The following PBX1 variants were observed in gnomAD, a reference collection of about 807,000 sequenced individuals.
The protein encoded by PBX1 is PBX homeobox 1.
Under a neutral mutation model 53.4 loss-of-function variants are expected in PBX1, and 6 were observed. The ratio of observed to expected loss-of-function variants is 0.11; its 90% CI spans 0.06 to 0.22. The LOEUF (loss-of-function observed/expected upper bound fraction) is 0.22, where lower values mean the gene tolerates loss of function less well. PBX1 is among the 10% of genes least tolerant of loss of function. The pLI, the probability that PBX1 is intolerant of heterozygous loss-of-function variation, is 1.00. For synonymous variants in PBX1, 204 were observed against 212.3 expected (o/e 0.96, Z 0.34); for missense variants, 251 against 551.4 (o/e 0.46, Z 5.46).
intron 6 of PBX1, chr1:164,818,010 G>C (rs553784504): frequency 3.3e-5 from 5 of 152,170 alleles, no homozygotes; most frequent in Non-Finnish European, 7.3e-5. Flanking sequence ...GGGGAGTTGG[G>C]TGGGGGAGTC....
intron 2 of PBX1, among the ~76,000 whole-genome samples, chr1:164,681,929 C>T (rs998272022): frequency 7.9e-5 from 12 of 152,054 alleles, no homozygotes; most frequent in Non-Finnish European, 8.8e-5. Flanking sequence ...AATATTTACC[C>T]GGAAATGAAG....
chr1:164,771,445 GT>G (rs1667366634), intron 2 of PBX1: 1 of 151,986 alleles, frequency 6.6e-6, no homozygotes, highest in South Asian at 2.1e-4. Context: ...TGCTGAGGGG[GT>G]TCCCTTGCCG....
chr1:164,683,209 T>C (rs1661893091), intron 2 of PBX1: 1 of 152,208 alleles, frequency 6.6e-6, no homozygotes. Flanking sequence ...CCTTATTTCA[T>C]ATCAGGTGTT....
chr1:164,582,040 A>C (rs1654649539), intron 2 of PBX1, among the ~76,000 whole-genome samples: 1 of 152,226 alleles, frequency 6.6e-6, no homozygotes, highest in South Asian at 2.1e-4. Context: ...AAGATGTGAG[A>C]GATACCAAGA....
rs1254394930 is a variant in PBX1, at chr1:164,654,536, G to A, written c.265+91225G>A. Among the ~76,000 whole-genome samples, 8 of 152,210 alleles carry A rather than the reference G, an allele frequency of 5.3e-5. No individual in the cohort carries two copies. In the South Asian group the frequency reaches 8.3e-4, roughly 16 times the overall value. ...GAAGGTTTTTGAAAGATATGGACAA[G>A]TGATGTGAGAAATACTGGAATTTAA... On this transcript the variant is annotated intron_variant, in intron 2 of 8. Coordinates refer to ENST00000420696, the MANE Select transcript of PBX1 (RefSeq NM_002585.4).
chr1:164,867,599 A>G (rs1177949327), intron 2 of PBX1, among the ~76,000 whole-genome samples: 1 of 152,218 alleles, frequency 6.6e-6, no homozygotes, highest in Non-Finnish European at 1.5e-5. Context: ...CTCTGTCTTG[A>G]TACACCTTTC....
At chr1:164,716,753 A>C (rs78286774) in intron 2 of PBX1, among the ~76,000 whole-genome samples, 4,093 of 144,786 alleles carry the variant, frequency 0.028, 302 homozygotes, top group East Asian at 0.15. Flanking sequence ...GAGAAGAAAA[A>C]AAAAGAATCT....
intron 8 of PBX1, among the ~76,000 whole-genome samples, 192 bp downstream of exon 8, chr1:164,821,818 T>C (rs1670171319): frequency 6.6e-6 from 1 of 152,158 alleles, no homozygotes. Context: ...TTGGGCAGGC[T>C]TCATGCAGGC....
At chr1:164,586,914 G>A (rs1388069092) in intron 2 of PBX1, among the ~76,000 whole-genome samples, 3 of 152,180 alleles carry the variant, frequency 2.0e-5, no homozygotes, top group Admixed American at 6.5e-5. Context: ...TCTGCCCACA[G>A]AGAGAACAGT....
intron 2 of PBX1, among the ~76,000 whole-genome samples, chr1:164,574,877 G>A (rs1382628334): frequency 3.9e-5 from 6 of 152,136 alleles, no homozygotes; most frequent in Non-Finnish European, 5.9e-5. Flanking sequence ...AACTACTTGG[G>A]AGGCTGAGGC....
At chr1:164,858,871 G>T (rs1045340949) in intron 2 of PBX1, among the ~76,000 whole-genome samples, 1 of 152,176 alleles carries the variant, frequency 6.6e-6, no homozygotes, top group African/African-American at 2.4e-5. Flanking sequence ...CATACGTGCC[G>T]TGTACTTTCT....
At chr1:164,828,836 T>G (rs1175475824) in intron 8 of PBX1, 1 of 152,190 alleles carries the variant, frequency 6.6e-6, no homozygotes, top group African/African-American at 2.4e-5. Context: ...CCTTCTTGCC[T>G]TTTAGGAAGA....
chr1:164,620,404 C>T (rs1770557), intron 2 of PBX1, among the ~76,000 whole-genome samples: 97,294 of 151,942 alleles, frequency 0.64, 31,559 homozygotes, highest in East Asian at 0.93. Flanking sequence ...TAAAATTATG[C>T]ATCTTTAAAA....
At chr1:164,594,672 A>G (rs1446927958) in intron 2 of PBX1, among the ~76,000 whole-genome samples, 1 of 152,242 alleles carries the variant, frequency 6.6e-6, no homozygotes, top group Non-Finnish European at 1.5e-5. Flanking sequence ...TAATTTTAAT[A>G]AAATATTTTC....
At chr1:164,632,774 T>C (rs1006787387) in intron 2 of PBX1, among the ~76,000 whole-genome samples, 1 of 152,146 alleles carries the variant, frequency 6.6e-6, no homozygotes, top group Non-Finnish European at 1.5e-5. Flanking sequence ...GAGGATATTA[T>C]TACCAGGAAC....
intron 2 of PBX1, among the ~76,000 whole-genome samples, chr1:164,702,803 T>C (rs911228861): frequency 2.6e-5 from 4 of 151,966 alleles, no homozygotes; most frequent in African/African-American, 7.3e-5. Flanking sequence ...AGGAGGAAAA[T>C]TCTTCTTCTC....
intron 2 of PBX1, among the ~76,000 whole-genome samples, chr1:164,779,114 G>T (rs1667813046): frequency 6.6e-6 from 1 of 150,866 alleles, no homozygotes; most frequent in Non-Finnish European, 1.5e-5. Flanking sequence ...CGCTATCTCG[G>T]CTCACTGCAA....
At chr1:164,601,201 A>C (rs1186567432) in intron 2 of PBX1, among the ~76,000 whole-genome samples, 1 of 136,204 alleles carries the variant, frequency 7.3e-6, no homozygotes, top group Admixed American at 8.7e-5. Flanking sequence ...GTGCCATTGC[A>C]CTCCAGCCTG....
intron 2 of PBX1, among the ~76,000 whole-genome samples, chr1:164,618,892 G>C (rs1375551377): frequency 6.6e-6 from 1 of 152,134 alleles, no homozygotes; most frequent in East Asian, 1.9e-4. Context: ...CCATTCAAAA[G>C]CTACCTAATT....
Sources: gnomAD v4.1 joint callset for allele counts (sites outside exome capture counted in the v4.1 genomes callset) on GRCh38, gnomAD v4.1.1 for gene constraint, MANE v1.5 for transcripts, NCBI Gene and HGNC (gene_info 2026-07-23, HGNC 2026-07-21) for gene names.